TMEM65: variants seen among roughly 807,000 people sequenced by gnomAD.
The protein encoded by TMEM65 is transmembrane protein 65.
Under a neutral mutation model 25.4 loss-of-function variants are expected in TMEM65, and 22 were observed. The observed-to-expected ratio is 0.86, with a 90% confidence interval of 0.62 to 1.23. The LOEUF is 1.23. Ranked by LOEUF, TMEM65 falls within the 50% of genes most tolerant of loss-of-function variation. The pLI, the probability that TMEM65 is intolerant of heterozygous loss-of-function variation, is 0.00. For synonymous variants in TMEM65, 132 were observed against 126.2 expected (o/e 1.05, Z -0.31); for missense variants, 262 against 308.2 (o/e 0.85, Z 1.12).
intron 1 of TMEM65, among the ~76,000 whole-genome samples, chr8:124,363,608 C>T (rs886789198): frequency 4.6e-5 from 7 of 151,928 alleles, no homozygotes; most frequent in African/African-American, 7.3e-5. Context: ...GAGGCCGAGG[C>T]GGGCGGATCA....
intron 6 of TMEM65, among the ~76,000 whole-genome samples, chr8:124,315,397 C>A (rs537743948): frequency 9.2e-5 from 14 of 151,842 alleles, no homozygotes; most frequent in Admixed American, 2.6e-4. Context: ...TCTCGACTCA[C>A]TGCAAGCTCC....
intron 1 of TMEM65, among the ~76,000 whole-genome samples, chr8:124,347,853 TTAAA>T (rs1814656551): frequency 6.6e-6 from 1 of 151,950 alleles, no homozygotes; most frequent in African/African-American, 2.4e-5. Flanking sequence ...TAACTCTGAC[TTAAA>T]TAATAGTAAA....
intron 1 of TMEM65, among the ~76,000 whole-genome samples, chr8:124,343,377 A>G (rs890892843): frequency 3.3e-5 from 5 of 152,148 alleles, no homozygotes; most frequent in African/African-American, 1.2e-4. Flanking sequence ...GCAAGATGCC[A>G]AAGTATATTA....
chr8:124,319,140 A>G (rs1262893451), intron 6 of TMEM65, among the ~76,000 whole-genome samples: 9 of 152,120 alleles, frequency 5.9e-5, no homozygotes, highest in Non-Finnish European at 1.3e-4. Flanking sequence ...AGGAGTGACA[A>G]TACCCATTAT....
chr8:124,320,059 T>C, intron 6 of TMEM65, 27 bp downstream of exon 6: 1 of 1,575,154 alleles, frequency 6.3e-7, no homozygotes, highest in Non-Finnish European at 8.7e-7. Context: ...ACCCAACTCA[T>C]TATCATAAAC....
chr8:124,322,228 G>T, intron 4 of TMEM65, 81 bp from the exon 5 acceptor site: 1 of 1,058,478 alleles, frequency 9.4e-7, no homozygotes, highest in Non-Finnish European at 1.4e-6. Context: ...CACTGATCTT[G>T]GAAGAGTTCT....
intron 1 of TMEM65, among the ~76,000 whole-genome samples, chr8:124,363,204 C>A (rs899688353): frequency 6.6e-6 from 1 of 152,116 alleles, no homozygotes; most frequent in Non-Finnish European, 1.5e-5. Context: ...AGATAAGAAA[C>A]AAGCTTATCT....
chr8:124,345,931 G>A (rs1364090437), intron 1 of TMEM65, among the ~76,000 whole-genome samples: 3 of 152,240 alleles, frequency 2.0e-5, no homozygotes, highest in South Asian at 4.1e-4. Flanking sequence ...TTTTTTAGCA[G>A]AGACAGGGTT....
At position 124,313,903 on chromosome 8, in the gene TMEM65, C is replaced by A. The variant is rs1814198507; in HGVS notation, c.*57G>T. The A allele has an allele frequency of 1.7e-6, 2 of 1,145,066 alleles. No homozygotes were observed. The highest frequency in any genetic ancestry group is 1.9e-5 in the Admixed American group (1 of 51,738). The allele number at this position is 1,145,066 out of a possible 1,614,324, so 70.9% of individuals were successfully genotyped here. A position where few individuals can be genotyped will look rare whatever the true frequency, so the allele number is the denominator to read the frequency against. On this transcript the variant is annotated 3_prime_UTR_variant, in exon 7 of 7. Coordinates refer to ENST00000297632, the MANE Select transcript of TMEM65 (RefSeq NM_194291.3). ...TCTTAATTCCTAAATGTTGTGACAG[C>A]ATATTTAATTACTGAGGTACATTAG...
At chr8:124,351,430 T>G (rs1483759748) in intron 1 of TMEM65, among the ~76,000 whole-genome samples, 5 of 152,162 alleles carry the variant, frequency 3.3e-5, no homozygotes, top group African/African-American at 4.8e-5. Flanking sequence ...TAATGTTTAT[T>G]TAGTATACTT....
At chr8:124,363,637 A>G (rs1192461524) in intron 1 of TMEM65, among the ~76,000 whole-genome samples, 1 of 151,974 alleles carries the variant, frequency 6.6e-6, no homozygotes, top group African/African-American at 2.4e-5. Context: ...GGAGATCGAG[A>G]CCATCCCAGC....
At chr8:124,361,761 G>A (rs541403398) in intron 1 of TMEM65, among the ~76,000 whole-genome samples, 11 of 152,020 alleles carry the variant, frequency 7.2e-5, no homozygotes, top group South Asian at 4.2e-4. Flanking sequence ...GCTTGAACCC[G>A]GGAGGCAGAG....
intron 6 of TMEM65, 74 bp downstream of exon 6, chr8:124,320,012 C>T: frequency 9.0e-7 from 1 of 1,112,052 alleles, no homozygotes; most frequent in Non-Finnish European, 1.2e-6. Flanking sequence ...TCTCAAATTT[C>T]TCAAGGGCCT....
intron 6 of TMEM65, among the ~76,000 whole-genome samples, chr8:124,317,369 T>A (rs933450980): frequency 2.6e-5 from 4 of 151,302 alleles, no homozygotes; most frequent in Admixed American, 6.6e-5. Context: ...CAAAAAAAAA[T>A]TTTCAGAAAT....
chr8:124,307,059 A>G lies in TMEM65; in HGVS notation c.*6901T>C, dbSNP rs922442209. Reference sequence around the variant, plus strand: ...AGATGCAGTACTAAATTACAACTGGATAAGATTAACTATAGTACATACTGC... The same window carrying G: ...AGATGCAGTACTAAATTACAACTGGGTAAGATTAACTATAGTACATACTGC... On this transcript the variant is annotated 3_prime_UTR_variant, in exon 7 of 7. Transcript: ENST00000297632. The G allele has an allele frequency of 1.3e-5, 2 of 152,248 alleles. No individual in the cohort carries two copies. The highest frequency in any genetic ancestry group is 4.8e-5 in the African/African-American group (2 of 41,460). The allele number at this position is 152,248 out of a possible 1,614,324, so 9.4% of individuals were successfully genotyped here.
chr8:124,327,706 A>G (rs529494867), intron 2 of TMEM65, among the ~76,000 whole-genome samples: 1 of 151,384 alleles, frequency 6.6e-6, no homozygotes, highest in Admixed American at 6.6e-5. Flanking sequence ...ACACACACAC[A>G]AATATATACA....
intron 1 of TMEM65, among the ~76,000 whole-genome samples, chr8:124,362,918 T>G (rs778017001): frequency 3.9e-5 from 6 of 152,316 alleles, no homozygotes; most frequent in Non-Finnish European, 8.8e-5. Flanking sequence ...TTCCATCTCA[T>G]GCTATCTATT....
At chr8:124,319,080 G>GT in intron 6 of TMEM65, among the ~76,000 whole-genome samples, 1 of 152,182 alleles carries the variant, frequency 6.6e-6, no homozygotes, top group South Asian at 2.1e-4. Context: ...CAAAACTCCT[G>GT]TATCTCTACT....
Position 124,308,053 on chromosome 8 carries a change from C to T in TMEM65, c.*5907G>A, listed in dbSNP as rs1351962888. ...CCAAGTCTTGAAGGGAAAAGATAAACACCAGCTGCCAGTCTTCTGGCAGTA... is the reference window on the plus strand; with the variant it reads ...CCAAGTCTTGAAGGGAAAAGATAAATACCAGCTGCCAGTCTTCTGGCAGTA... On this transcript the variant is annotated 3_prime_UTR_variant, in exon 7 of 7. Coordinates refer to ENST00000297632, the MANE Select transcript of TMEM65 (RefSeq NM_194291.3). The T allele has an allele frequency of 2.0e-5, 3 of 152,122 alleles. No homozygotes were observed. The highest frequency in any genetic ancestry group is 4.4e-5 in the Non-Finnish European group (3 of 68,026). The allele number at this position is 152,122 out of a possible 1,614,324, so 9.4% of individuals were successfully genotyped here. A position where few individuals can be genotyped will look rare whatever the true frequency, so the allele number is the denominator to read the frequency against.
Sources: gnomAD v4.1 joint callset for allele counts (sites outside exome capture counted in the v4.1 genomes callset) on GRCh38, gnomAD v4.1.1 for gene constraint, MANE v1.5 for transcripts, NCBI Gene and HGNC (gene_info 2026-07-23, HGNC 2026-07-21) for gene names.